The following SDK1 variants were observed in gnomAD, a reference collection of about 807,000 sequenced individuals.
The protein encoded by SDK1 is sidekick cell adhesion molecule 1, also known as protein sidekick-1.
In SDK1, 157 loss-of-function variants were observed where a neutral mutation model predicts 245.5. The observed-to-expected ratio is 0.64, with a 90% CI of 0.56 to 0.73. The LOEUF is 0.73. Among genes scored for constraint, SDK1 ranks in the 30% least tolerant of loss-of-function variants. SDK1 has a pLI of 0.00. For synonymous variants in SDK1, 1,647 were observed against 1,278.5 expected (o/e 1.29, Z -6.15); for missense variants, 3,583 against 3,002.3 (o/e 1.19, Z -4.52).
chr7:3,453,102 A>G (rs200920684), intron 1 of SDK1, among the ~76,000 whole-genome samples: 1 of 152,048 alleles, frequency 6.6e-6, no homozygotes, highest in East Asian at 1.9e-4. Flanking sequence ...CCATCCTGCC[A>G]CTGGTGTCTA....
chr7:3,668,305 C>T (rs1005734703), intron 4 of SDK1, among the ~76,000 whole-genome samples: 45 of 152,148 alleles, frequency 3.0e-4, no homozygotes, highest in African/African-American at 8.2e-4. Context: ...TCTTCCAACA[C>T]GACTCACTTT....
intron 5 of SDK1, among the ~76,000 whole-genome samples, chr7:3,934,284 C>G (rs1479821521): frequency 6.6e-6 from 1 of 152,082 alleles, no homozygotes; most frequent in East Asian, 1.9e-4. Flanking sequence ...TTTTTTCTTT[C>G]TCTCCTGTGT....
At position 3,464,994 on chromosome 7, in the gene SDK1, G is replaced by C. The variant is rs377437765; in HGVS notation, c.299-154086G>C. On this transcript the variant is annotated intron_variant, in intron 1 of 44. Coordinates refer to ENST00000404826, the MANE Select transcript of SDK1 (RefSeq NM_152744.4). The stretch of plus-strand genomic sequence containing the variant: ...ACTTCGTGCTGCTAAGGCTAACATT[G>C]TTGCTAACCAGAGGAACCACAGAGG... 9.9e-5 allele frequency among the ~76,000 whole-genome samples: 15 copies of C among 152,094 alleles called. 1 individual carries two copies. In the East Asian group the frequency reaches 2.7e-3, roughly 27 times the overall value.
chr7:4,242,190 C>T (rs1445430152), intron 43 of SDK1, among the ~76,000 whole-genome samples: 1 of 152,138 alleles, frequency 6.6e-6, no homozygotes. Flanking sequence ...CCAGGGGCTG[C>T]CAGGCTGGCC....
chr7:4,128,343 G>C (rs963325122), intron 26 of SDK1, among the ~76,000 whole-genome samples: 1 of 152,216 alleles, frequency 6.6e-6, no homozygotes, highest in Non-Finnish European at 1.5e-5. Flanking sequence ...CTGGCTCTGT[G>C]ACACATGGCA....
chr7:3,885,930 A>G (rs1781328369), intron 5 of SDK1, among the ~76,000 whole-genome samples: 1 of 152,144 alleles, frequency 6.6e-6, no homozygotes, highest in African/African-American at 2.4e-5. Context: ...CTTACTCCTA[A>G]GTTGAGTTCT....
At chr7:3,689,466 A>G (rs980693738) in intron 4 of SDK1, among the ~76,000 whole-genome samples, 3 of 152,204 alleles carry the variant, frequency 2.0e-5, no homozygotes, top group Admixed American at 6.5e-5. Context: ...TTCTTGACAG[A>G]CATTATCAAG....
chr7:3,618,330 C>G (rs1005121845), intron 1 of SDK1, among the ~76,000 whole-genome samples: 1 of 152,162 alleles, frequency 6.6e-6, no homozygotes, highest in African/African-American at 2.4e-5. Flanking sequence ...AGAGGTAACC[C>G]TTATCCTTAA....
intron 1 of SDK1, among the ~76,000 whole-genome samples, chr7:3,445,409 T>G (rs371492175): frequency 3.3e-5 from 5 of 152,322 alleles, no homozygotes; most frequent in Middle Eastern, 3.4e-3. Flanking sequence ...GAAATTGTGC[T>G]GTCTCTCCCC....
intron 1 of SDK1, among the ~76,000 whole-genome samples, chr7:3,344,293 A>G: frequency 6.6e-6 from 1 of 152,218 alleles, no homozygotes; most frequent in East Asian, 1.9e-4. Context: ...TTAAGTATAC[A>G]GTTCAGTAGC....
chr7:3,617,538 G>A (rs1477497372), intron 1 of SDK1, among the ~76,000 whole-genome samples: 2 of 152,168 alleles, frequency 1.3e-5, no homozygotes, highest in Non-Finnish European at 2.9e-5. Context: ...GTAACAGACT[G>A]GGTGATTCAA....
At chr7:3,313,862 A>G (rs1720352725) in intron 1 of SDK1, among the ~76,000 whole-genome samples, 1 of 152,260 alleles carries the variant, frequency 6.6e-6, no homozygotes, top group South Asian at 2.1e-4. Flanking sequence ...AGCTCTATTT[A>G]GCCATTTCAC....
chr7:3,861,792 A>T (rs1780698360), intron 5 of SDK1, among the ~76,000 whole-genome samples: 1 of 152,212 alleles, frequency 6.6e-6, no homozygotes, highest in Non-Finnish European at 1.5e-5. Context: ...CTCTCCCGTC[A>T]ATGTGAACCT....
intron 1 of SDK1, among the ~76,000 whole-genome samples, chr7:3,386,650 T>C (rs1486320123): frequency 6.6e-6 from 1 of 152,212 alleles, no homozygotes; most frequent in Non-Finnish European, 1.5e-5. Context: ...TACAGGGAAA[T>C]GCTGCTTTCC....
intron 5 of SDK1, among the ~76,000 whole-genome samples, chr7:3,945,344 A>T (rs899807278): frequency 6.6e-6 from 1 of 152,214 alleles, no homozygotes; most frequent in Non-Finnish European, 1.5e-5. Context: ...ATTCATATGT[A>T]TAAAAGGACA....
chr7:3,799,660 G>T (rs907045742), intron 4 of SDK1, among the ~76,000 whole-genome samples: 2 of 143,812 alleles, frequency 1.4e-5, no homozygotes, highest in African/African-American at 2.6e-5. Flanking sequence ...AGCCAAAATC[G>T]CGCCACTGCA....
intron 4 of SDK1, among the ~76,000 whole-genome samples, chr7:3,777,297 A>T (rs771782101): frequency 6.6e-6 from 1 of 152,160 alleles, no homozygotes; most frequent in African/African-American, 2.4e-5. Context: ...ATTTGCCCTT[A>T]TTGGCATCCT....
chr7:3,316,187 A>G (rs1779658592), intron 1 of SDK1, among the ~76,000 whole-genome samples: 1 of 152,238 alleles, frequency 6.6e-6, no homozygotes, highest in African/African-American at 2.4e-5. Flanking sequence ...TAAAACTTTC[A>G]GTACAGCCAT....
At chr7:4,245,498 T>TCAG (rs1474525742) in intron 43 of SDK1, among the ~76,000 whole-genome samples, 178 bp from the exon 44 acceptor site, 2 of 152,204 alleles carry the variant, frequency 1.3e-5, no homozygotes, top group East Asian at 3.9e-4. Context: ...ACACAGAGGC[T>TCAG]GTTGACTCAC....
Sources: allele counts gnomAD v4.1 joint callset (sites outside exome capture counted in the v4.1 genomes callset), GRCh38; gene constraint gnomAD v4.1.1; transcripts MANE v1.5; gene names NCBI Gene and HGNC (gene_info 2026-07-23, HGNC 2026-07-21).